Variants in TKTL1 observed in about 807,000 individuals in gnomAD.
The protein encoded by TKTL1 is transketolase-like protein 1.
Under a neutral mutation model 39.3 loss-of-function variants are expected in TKTL1, and 1 was observed. The ratio of observed to expected loss-of-function variants is 0.03; its 90% CI spans 0.01 to 0.12. TKTL1 has a LOEUF of 0.12. Among genes scored for constraint, TKTL1 ranks in the 10% least tolerant of loss-of-function variants. The probability of loss-of-function intolerance (pLI) is 1.00; values close to 1 mark genes in which losing one functional copy is unlikely to be tolerated. For synonymous variants in TKTL1, 262 were observed against 193.8 expected, an observed-to-expected ratio of 1.35 and a Z score of -2.92; for missense variants, 575 against 509.6, an observed-to-expected ratio of 1.13 and a Z score of -1.24.
chrX:154,301,110 AGTGTGT>A (rs1557165827), intron 1 of TKTL1, among the ~76,000 whole-genome samples: 1 of 111,525 alleles, frequency 9.0e-6, no homozygotes, highest in African/African-American at 3.3e-5. Flanking sequence ...GTTGTGTAAG[AGTGTGT>A]TGCTTAATTT....
At chrX:154,326,865 T>C (rs1315866656) in intron 10 of TKTL1, among the ~76,000 whole-genome samples, 1 of 112,438 alleles carries the variant, frequency 8.9e-6, no homozygotes. Flanking sequence ...GACATGGATA[T>C]GTGTGCATGC....
At chrX:154,318,564 C>T (rs782151795) in intron 7 of TKTL1, among the ~76,000 whole-genome samples, 57 of 108,060 alleles carry the variant, frequency 5.3e-4, no homozygotes, top group African/African-American at 1.9e-3. Flanking sequence ...AAAAATTAGC[C>T]GGGCGTGGTG....
At chrX:154,316,303 C>T (rs1361862853) in intron 7 of TKTL1, among the ~76,000 whole-genome samples, 1 of 111,128 alleles carries the variant, frequency 9.0e-6, no homozygotes, top group Non-Finnish European at 1.9e-5. Context: ...ATCTCCTGAC[C>T]TCGTGATCCG....
At chrX:154,303,698 C>T (rs1329845097) in intron 1 of TKTL1, among the ~76,000 whole-genome samples, 2 of 107,933 alleles carry the variant, frequency 1.9e-5, no homozygotes, top group Non-Finnish European at 3.8e-5. Flanking sequence ...GGAAGTCCCC[C>T]ATAATGAAGC....
chrX:154,325,804 C>T (rs1171145432), intron 10 of TKTL1, among the ~76,000 whole-genome samples: 2 of 111,559 alleles, frequency 1.8e-5, no homozygotes, highest in Non-Finnish European at 3.8e-5. Flanking sequence ...GGAAACATAG[C>T]GAGATTCCCA....
At chrX:154,315,485 G>A in intron 7 of TKTL1, 148 bp downstream of exon 7, 1 of 574,032 alleles carries the variant, frequency 1.7e-6, no homozygotes, top group Non-Finnish European at 2.7e-6. Context: ...GTAGCCAGGT[G>A]GAGTCTGAGA....
chrX:154,309,316 C>G (rs782695442), intron 2 of TKTL1, 29 bp from the exon 3 acceptor site: 1 of 1,159,734 alleles, frequency 8.6e-7, no homozygotes, highest in Admixed American at 2.2e-5. Context: ...GCAGCTGCGT[C>G]TGGGCTCACT....
chrX:154,323,380 G>A (rs1451386678), intron 9 of TKTL1, 43 bp downstream of exon 9: 13 of 1,191,693 alleles, frequency 1.1e-5, no homozygotes, highest in Non-Finnish European at 1.5e-5. Flanking sequence ...AAATGCTTCT[G>A]GACTCTGCTA....
chrX:154,297,442 G>A (rs781809380), intron 1 of TKTL1, among the ~76,000 whole-genome samples: 6 of 110,250 alleles, frequency 5.4e-5, no homozygotes, highest in African/African-American at 9.9e-5. Context: ...TTTTTTAGTG[G>A]AGACGGGGTT....
chrX:154,299,921 A>G (rs1437833531), intron 1 of TKTL1, among the ~76,000 whole-genome samples: 2 of 111,393 alleles, frequency 1.8e-5, no homozygotes, highest in African/African-American at 6.5e-5. Flanking sequence ...TACCTTTTTC[A>G]TATAATGACT....
At chrX:154,316,781 T>TA (rs1169620807) in intron 7 of TKTL1, among the ~76,000 whole-genome samples, 5 of 107,097 alleles carry the variant, frequency 4.7e-5, no homozygotes, top group Middle Eastern at 9.4e-3. Context: ...GTTTTTTTTT[T>TA]TTGAGATGGA....
At chrX:154,325,923 G>T (rs182860803) in intron 10 of TKTL1, among the ~76,000 whole-genome samples, 1 of 112,158 alleles carries the variant, frequency 8.9e-6, no homozygotes, top group Admixed American at 9.5e-5. Flanking sequence ...ATTCAAGGCA[G>T]CAGTGAGCTA....
intron 5 of TKTL1, among the ~76,000 whole-genome samples, chrX:154,311,936 CCATTCACT>C (rs1557168451): frequency 9.1e-6 from 1 of 110,241 alleles, no homozygotes; most frequent in African/African-American, 3.3e-5. Context: ...CATCTTGGAC[CCATTCACT>C]CCTCCCCATC....
At chrX:154,318,301 T>TAC (rs782616350) in intron 7 of TKTL1, among the ~76,000 whole-genome samples, 3 of 110,834 alleles carry the variant, frequency 2.7e-5, no homozygotes, top group African/African-American at 9.8e-5. Context: ...GATACTTTAA[T>TAC]ACTCAAATCA....
intron 7 of TKTL1, among the ~76,000 whole-genome samples, chrX:154,318,618 G>A (rs1557169907): frequency 1.9e-5 from 2 of 105,467 alleles, no homozygotes; most frequent in African/African-American, 3.5e-5. Context: ...TGAGGCAGGA[G>A]AATGGCGTGA....
rs2067526214 is a variant in TKTL1 at position 154,330,084 on chromosome X, T to A, written c.*396T>A. On this transcript the variant is annotated 3_prime_UTR_variant, in exon 13 of 13. Transcript: ENST00000369915. ...ATTTCCTTCATGAGTAAAGAAAATG[T>A]GGATTGAAGTATAGATTCCAGTAGC... 1 of 124,375 alleles carries A rather than the reference T, an allele frequency of 8.0e-6. No homozygotes were observed. The highest frequency in any genetic ancestry group is 3.2e-5 in the African/African-American group (1 of 31,174). The allele number at this position is 124,375 out of a possible 1,213,427, so 10.2% of individuals were successfully genotyped here. A position where few individuals can be genotyped will look rare whatever the true frequency, so the allele number is the denominator to read the frequency against.
intron 12 of TKTL1, 111 bp from the exon 13 acceptor site, chrX:154,329,405 A>G (rs1191707001): frequency 1.2e-5 from 10 of 806,154 alleles, no homozygotes; most frequent in South Asian, 2.5e-5. Context: ...GGCTGTTCAC[A>G]TGAATCAGAT....
At chrX:154,323,470 T>C (rs940851746) in intron 9 of TKTL1, 133 bp downstream of exon 9, 80 of 784,467 alleles carry the variant, frequency 1.0e-4, no homozygotes, top group Non-Finnish European at 1.4e-4. Flanking sequence ...TAGAATTCTT[T>C]ACAAAAAAAA....
intron 7 of TKTL1, among the ~76,000 whole-genome samples, chrX:154,319,870 T>G (rs2148077821): frequency 8.9e-6 from 1 of 112,176 alleles, no homozygotes; most frequent in South Asian, 3.7e-4. Context: ...AGCCTGTGTG[T>G]ATCCGCAGAG....
Sources: gnomAD v4.1 joint callset for allele counts (sites outside exome capture counted in the v4.1 genomes callset) on GRCh38, gnomAD v4.1.1 for gene constraint, MANE v1.5 for transcripts, NCBI Gene and HGNC (gene_info 2026-07-23, HGNC 2026-07-21) for gene names.